The following NAV1 variants were observed in gnomAD, a reference collection of about 807,000 sequenced individuals.
NAV1 encodes neuron navigator 1.
In NAV1, 18 loss-of-function variants were observed where a neutral mutation model predicts 175.2. The ratio of observed to expected loss-of-function variants is 0.10; its 90% CI spans 0.07 to 0.15. NAV1 has a LOEUF of 0.15. NAV1 is among the 10% of genes least tolerant of loss of function. The pLI, the probability that NAV1 is intolerant of heterozygous loss-of-function variation, is 1.00. For synonymous variants in NAV1, 897 were observed against 978.7 expected, an observed-to-expected ratio of 0.92 and a Z score of 1.56; for missense variants, 1,731 against 2,436.6, an observed-to-expected ratio of 0.71 and a Z score of 6.10.
rs1162997917 is a variant in NAV1 at position 201,539,393 on chromosome 1, C to G, written c.-144+51C>G. On this transcript the variant is annotated intron_variant, in intron 1 of 33. Transcript: ENST00000685211. The surrounding 1 kb of genome is among the most constrained non-coding windows in gnomAD (Gnocchi z 5.6). ...CGCGGTCGCGGCGCTGAGGGTCTGG[C>G]GCTTCCCGTTTTGCGAGGCTTGGCT... is the stretch of plus-strand genomic sequence containing the variant. Among the ~76,000 whole-genome samples, 3 of 152,090 alleles carry G rather than the reference C, an allele frequency of 2.0e-5. No homozygotes were observed. The highest frequency in any genetic ancestry group is 3.9e-4 in the East Asian group (2 of 5,154).
chr1:201,665,936 T>A (rs1669807469), intron 1 of NAV1, among the ~76,000 whole-genome samples: 1 of 152,152 alleles, frequency 6.6e-6, no homozygotes, highest in African/African-American at 2.4e-5. Context: ...CCTCTTCTGG[T>A]TTCCAGTCAC....
intron 1 of NAV1, among the ~76,000 whole-genome samples, chr1:201,579,970 G>A (rs1438984212): frequency 2.0e-5 from 3 of 152,160 alleles, no homozygotes; most frequent in Non-Finnish European, 4.4e-5. Flanking sequence ...AGCCAATGAT[G>A]TAGTTCTCAG....
chr1:201,760,061 G>A (rs1249604648), intron 3 of NAV1, among the ~76,000 whole-genome samples: 1 of 152,206 alleles, frequency 6.6e-6, no homozygotes. Context: ...CGAGGATGGG[G>A]CATCAAAAAG....
At chr1:201,752,992 AG>A (rs1674222192) in intron 3 of NAV1, among the ~76,000 whole-genome samples, 1 of 152,132 alleles carries the variant, frequency 6.6e-6, no homozygotes, top group African/African-American at 2.4e-5. Context: ...GAAAGAATGT[AG>A]GGGTAGTTTT....
intron 3 of NAV1, among the ~76,000 whole-genome samples, chr1:201,720,606 T>A (rs1672342313): frequency 6.6e-6 from 1 of 152,220 alleles, no homozygotes; most frequent in African/African-American, 2.4e-5. Flanking sequence ...CTTAACTAGC[T>A]GTATGAGCTT....
At chr1:201,652,661 T>C (rs1338189813) in intron 1 of NAV1, among the ~76,000 whole-genome samples, 4 of 152,114 alleles carry the variant, frequency 2.6e-5, no homozygotes, top group Non-Finnish European at 4.4e-5. Context: ...AGTTTCCTCA[T>C]TTGTGAATGG....
At chr1:201,769,175 C>T (rs938122522) in intron 3 of NAV1, among the ~76,000 whole-genome samples, 4 of 152,192 alleles carry the variant, frequency 2.6e-5, no homozygotes, top group Non-Finnish European at 4.4e-5. Context: ...GGCTGCAGAA[C>T]CATCTAATGA....
At chr1:201,541,629 C>A (rs1203953596) in intron 1 of NAV1, among the ~76,000 whole-genome samples, 1 of 152,154 alleles carries the variant, frequency 6.6e-6, no homozygotes, top group Non-Finnish European at 1.5e-5. Flanking sequence ...TGAAAATTAG[C>A]CGGGTGTGGT....
intron 15 of NAV1, 120 bp downstream of exon 19, chr1:201,794,697 C>CT: frequency 1.2e-6 from 1 of 867,272 alleles, no homozygotes; most frequent in Non-Finnish European, 1.9e-6. Context: ...AGGTGAGGGC[C>CT]TTTAGATACC....
chr1:201,683,612 C>T (rs1670555295), intron 1 of NAV1, among the ~76,000 whole-genome samples: 1 of 152,184 alleles, frequency 6.6e-6, no homozygotes, highest in Admixed American at 6.5e-5. Context: ...GGCTAGGGTT[C>T]CTGCTGTGTG....
intron 1 of NAV1, among the ~76,000 whole-genome samples, chr1:201,683,154 G>C (rs1271517882): frequency 6.6e-6 from 1 of 152,090 alleles, no homozygotes; most frequent in African/African-American, 2.4e-5. Flanking sequence ...CTTTGTTTTC[G>C]ATGACCTTGA....
chr1:201,777,391 CA>C (rs1437552378), intron 3 of NAV1, among the ~76,000 whole-genome samples: 4 of 151,944 alleles, frequency 2.6e-5, no homozygotes, highest in Admixed American at 6.5e-5. Context: ...AATGGGAGGG[CA>C]AAAAAGGAGC....
chr1:201,616,805 G>A (rs1341032536), intron 2 of NAV1, among the ~76,000 whole-genome samples: 1 of 152,160 alleles, frequency 6.6e-6, no homozygotes, highest in Non-Finnish European at 1.5e-5. Flanking sequence ...CTCTCTTGAT[G>A]CATGCACTGC....
chr1:201,599,757 G>T (rs1037556285), intron 2 of NAV1, among the ~76,000 whole-genome samples: 1 of 152,178 alleles, frequency 6.6e-6, no homozygotes, highest in Non-Finnish European at 1.5e-5. Flanking sequence ...CCAGGCTCAG[G>T]GACAGGGGGA....
chr1:201,585,447 C>G (rs563022619), intron 1 of NAV1, among the ~76,000 whole-genome samples: 322 of 152,230 alleles, frequency 2.1e-3, no homozygotes, highest in Non-Finnish European at 3.7e-3. Flanking sequence ...CACACACACA[C>G]ACACAAATAG....
rs1462884888 is a variant in NAV1, at chr1:201,782,498, T to C, written c.1986T>C (p.Pro662=). Residue 662 remains proline, a synonymous_variant, in exon 6 of 30, where the codon CCT becomes CCC. Transcript: ENST00000367296. This position sits in a 1 kb window ranked among gnomAD's most constrained non-coding sequence, Gnocchi z 5.4. ...GTGCAGAGCCAGGATTCCTGGCTCC[T>C]GGAGCCCGTTCTAACATCCAGTACC... 5 of 1,612,938 alleles carry C rather than the reference T, an allele frequency of 3.1e-6. No homozygotes were observed. The South Asian group carries it at 5.5e-5, about 18-fold the overall frequency.
intron 1 of NAV1, among the ~76,000 whole-genome samples, chr1:201,549,366 G>A (rs141422544): frequency 0.01 from 1,531 of 152,024 alleles, 19 homozygotes; most frequent in African/African-American, 0.036. Context: ...GTACCACCAC[G>A]CCTGGCTAAA....
chr1:201,809,626 C>T, intron 22 of NAV1, 89 bp downstream of exon 26: 1 of 1,256,654 alleles, frequency 8.0e-7, no homozygotes, highest in Non-Finnish European at 1.1e-6. Flanking sequence ...TCTTGCCACC[C>T]AGGCTGGAGG....
intron 3 of NAV1, among the ~76,000 whole-genome samples, chr1:201,725,888 T>C (rs1672585869): frequency 6.6e-6 from 1 of 151,808 alleles, no homozygotes; most frequent in South Asian, 2.1e-4. Flanking sequence ...AGCCCAGGAG[T>C]TGAGGTTGCA....
Sources: gnomAD v4.1 joint callset for allele counts (sites outside exome capture counted in the v4.1 genomes callset) on GRCh38, gnomAD v4.1.1 for gene constraint, Gnocchi (gnomAD v3.1) non-coding constraint, MANE v1.5 for transcripts, NCBI Gene and HGNC (gene_info 2026-07-23, HGNC 2026-07-21) for gene names.